ADAMTSL3: variants seen among roughly 807,000 people sequenced by gnomAD.
ADAMTSL3 encodes the protein ADAMTS-like protein 3.
Under a neutral mutation model 201.7 loss-of-function variants are expected in ADAMTSL3, and 128 were observed. That is an observed-to-expected ratio of 0.63 (90% CI 0.55 to 0.73). ADAMTSL3 has a LOEUF of 0.73. Among genes scored for constraint, ADAMTSL3 ranks in the 30% least tolerant of loss-of-function variants. The probability of loss-of-function intolerance (pLI) is 0.00; values close to 1 mark genes in which losing one functional copy is unlikely to be tolerated. For synonymous variants in ADAMTSL3, 738 were observed against 748.4 expected, an observed-to-expected ratio of 0.99 and a Z score of 0.23; for missense variants, 1,990 against 2,119.6, an observed-to-expected ratio of 0.94 and a Z score of 1.20.
chr15:83,784,191 A>G (rs568319409), intron 4 of ADAMTSL3, among the ~76,000 whole-genome samples: 1 of 152,220 alleles, frequency 6.6e-6, no homozygotes, highest in Non-Finnish European at 1.5e-5. Flanking sequence ...CCACGTAGGC[A>G]CTGAGTGTTT....
intron 16 of ADAMTSL3, among the ~76,000 whole-genome samples, chr15:83,913,932 G>A (rs1248971912): frequency 1.3e-5 from 2 of 152,156 alleles, no homozygotes; most frequent in African/African-American, 4.8e-5. Context: ...GTGAGAAGTT[G>A]GCCCCCTGAT....
intron 17 of ADAMTSL3, among the ~76,000 whole-genome samples, chr15:83,926,179 CAG>C (rs1429194518): frequency 6.6e-6 from 1 of 152,060 alleles, no homozygotes; most frequent in African/African-American, 2.4e-5. Context: ...AGGAATCTGC[CAG>C]GAGAGGTGTA....
intron 3 of ADAMTSL3, among the ~76,000 whole-genome samples, chr15:83,720,773 C>G (rs1022269223): frequency 2.0e-5 from 3 of 152,174 alleles, no homozygotes; most frequent in African/African-American, 7.2e-5. Flanking sequence ...TAACTTGAAG[C>G]AGCTTTATTT....
At chr15:83,792,107 T>C (rs532934580) in intron 4 of ADAMTSL3, among the ~76,000 whole-genome samples, 4 of 152,248 alleles carry the variant, frequency 2.6e-5, no homozygotes, top group African/African-American at 9.6e-5. Flanking sequence ...AGAAAGTATT[T>C]GCAAGCTATG....
At chr15:83,873,856 T>C (rs369764730) in intron 9 of ADAMTSL3, among the ~76,000 whole-genome samples, 3 of 145,220 alleles carry the variant, frequency 2.1e-5, no homozygotes, top group African/African-American at 7.9e-5. Context: ...TTAGCAGGAG[T>C]GCAAGAGAAA....
intron 5 of ADAMTSL3, 39 bp downstream of exon 5, chr15:83,804,734 T>C: frequency 6.8e-7 from 1 of 1,471,420 alleles, no homozygotes; most frequent in Non-Finnish European, 9.2e-7. Flanking sequence ...CAATACAATA[T>C]GTGCTTGTTT....
intron 9 of ADAMTSL3, among the ~76,000 whole-genome samples, chr15:83,872,667 G>A (rs1340908369): frequency 7.1e-6 from 1 of 141,664 alleles, no homozygotes; most frequent in East Asian, 2.0e-4. Context: ...CAGAGAATCT[G>A]TATTCTTCTC....
intron 3 of ADAMTSL3, among the ~76,000 whole-genome samples, chr15:83,742,337 G>T (rs1326910087): frequency 6.6e-6 from 1 of 152,034 alleles, no homozygotes; most frequent in Admixed American, 6.5e-5. Context: ...TAGGCTTACA[G>T]CCTAAGCTTT....
chr15:84,027,223 T>C (rs1482421724), intron 27 of ADAMTSL3, among the ~76,000 whole-genome samples: 1 of 152,154 alleles, frequency 6.6e-6, no homozygotes, highest in African/African-American at 2.4e-5. Flanking sequence ...AAAGAGATAG[T>C]GACAAATGTT....
chr15:83,746,397 G>C (rs2062548210), intron 3 of ADAMTSL3, among the ~76,000 whole-genome samples: 1 of 151,876 alleles, frequency 6.6e-6, no homozygotes, highest in African/African-American at 2.4e-5. Flanking sequence ...TTCACCACCT[G>C]GGGTTCTGTT....
At chr15:83,951,232 G>A (rs1323374320) in intron 19 of ADAMTSL3, among the ~76,000 whole-genome samples, 2 of 151,706 alleles carry the variant, frequency 1.3e-5, no homozygotes, top group Non-Finnish European at 2.9e-5. Context: ...ATGAAGGGAT[G>A]TTAAATTTTA....
chr15:84,019,283 G>A (rs1267773793), intron 25 of ADAMTSL3, among the ~76,000 whole-genome samples: 4 of 152,198 alleles, frequency 2.6e-5, no homozygotes, highest in African/African-American at 4.8e-5. Flanking sequence ...CAACTGAAAC[G>A]CTCATGCATT....
chr15:83,982,075 A>T (rs1366016411), intron 20 of ADAMTSL3, among the ~76,000 whole-genome samples, 198 bp from the exon 21 acceptor site: 2 of 152,178 alleles, frequency 1.3e-5, no homozygotes, highest in African/African-American at 2.4e-5. Context: ...TTTGCCACTA[A>T]AGTACTAGAT....
intron 3 of ADAMTSL3, among the ~76,000 whole-genome samples, chr15:83,747,348 T>C (rs1301756734): frequency 6.6e-6 from 1 of 152,222 alleles, no homozygotes; most frequent in East Asian, 1.9e-4. Context: ...GAAACAACAT[T>C]TCATTATTTG....
chr15:83,827,194 A>G (rs1353120647), intron 6 of ADAMTSL3, among the ~76,000 whole-genome samples: 2 of 152,134 alleles, frequency 1.3e-5, no homozygotes, highest in African/African-American at 2.4e-5. Flanking sequence ...CTTTTTAATG[A>G]TCGCCATTCT....
chr15:83,714,501 T>G (rs1420366029), intron 3 of ADAMTSL3, among the ~76,000 whole-genome samples: 3 of 152,198 alleles, frequency 2.0e-5, no homozygotes, highest in Non-Finnish European at 2.9e-5. Flanking sequence ...TTGTACACAC[T>G]GTTCCTCCCC....
intron 8 of ADAMTSL3, among the ~76,000 whole-genome samples, chr15:83,869,935 A>C (rs2065051019): frequency 6.6e-6 from 1 of 152,106 alleles, no homozygotes; most frequent in Non-Finnish European, 1.5e-5. Context: ...CTGTATATAC[A>C]TTTTTTGTTG....
intron 12 of ADAMTSL3, 146 bp downstream of exon 12, chr15:83,891,525 G>A: frequency 1.6e-6 from 1 of 631,756 alleles, no homozygotes; most frequent in Non-Finnish European, 2.7e-6. Context: ...CTCAATAATA[G>A]GAAAAATCTT....
chr15:83,896,482 A>G (rs1469390330), intron 13 of ADAMTSL3, among the ~76,000 whole-genome samples: 1 of 152,226 alleles, frequency 6.6e-6, no homozygotes, highest in East Asian at 1.9e-4. Flanking sequence ...ACTTGATAAT[A>G]TTTAATAATG....
Sources: allele counts gnomAD v4.1 joint callset (sites outside exome capture counted in the v4.1 genomes callset), GRCh38; gene constraint gnomAD v4.1.1; transcripts MANE v1.5; gene names NCBI Gene and HGNC (gene_info 2026-07-23, HGNC 2026-07-21).